Variants in BMP2K observed in about 807,000 individuals in gnomAD.
BMP2K encodes the protein BMP2 inducible kinase.
A neutral mutation model predicts 116.0 loss-of-function variants in BMP2K; 74 were observed. The observed-to-expected ratio is 0.64, with a 90% CI of 0.53 to 0.77. The LOEUF is 0.77. Ranked by LOEUF, BMP2K falls within the 30% of genes least tolerant of loss-of-function variation. The pLI is 0.00. For missense variants in BMP2K, 1,365 were observed against 1,403.6 expected, an observed-to-expected ratio of 0.97 and a Z score of 0.44; for synonymous variants, 486 against 502.5, an observed-to-expected ratio of 0.97 and a Z score of 0.44.
At chr4:78,838,598 CACTT>C (rs1455002154) in intron 3 of BMP2K, among the ~76,000 whole-genome samples, 1 of 152,166 alleles carries the variant, frequency 6.6e-6, no homozygotes, top group East Asian at 1.9e-4. Context: ...AAATACTCTC[CACTT>C]ACTTCCTCTG....
In BMP2K at chr4:78,870,928, C is replaced by CCAGAAG. The variant is rs747400785; in HGVS notation, c.1380_1381insAAGCAG (p.Gln460_Gln461insLysGln). On this transcript the variant is annotated inframe_insertion, in exon 11 of 16. Transcript: ENST00000502613. ...TCCATTTACAGCATCGTCATCCTCA[C>CCAGAAG]CAGCAGCAGCAGCAGCAGCAGCAGC... is the stretch of plus-strand genomic sequence containing the variant. The CCAGAAG allele has an allele frequency of 6.9e-7, 1 of 1,457,950 alleles. No individual in the cohort carries two copies. The highest frequency in any genetic ancestry group is 9.2e-7 in the Non-Finnish European group (1 of 1,085,488). The allele number at this position is 1,457,950 out of a possible 1,614,324, so 90.3% of individuals were successfully genotyped here. A position where few individuals can be genotyped will look rare whatever the true frequency, so the allele number is the denominator to read the frequency against.
At position 78,776,657 on chromosome 4, in the gene BMP2K, C is replaced by G. The variant is rs542064293; in HGVS notation, c.114C>G (p.Ser38=). Residue 38 remains serine (S), a synonymous_variant, in exon 1 of 16, where the codon TCC becomes TCG. Transcript: ENST00000502613. ...CCGGCTGCGGCTCCGGCGGCTCGTC[C>G]GTGGGGGTCCGGGTGTTCGCGGTCG... ...AGAGCGSGGS[S]VGVRVFAVGR... 8.1e-7 allele frequency: 1 copy of G among 1,231,590 alleles called. No homozygotes were observed. Among genetic ancestry groups the G allele is most frequent in the African/African-American group, 1.6e-5 (1 of 64,160 alleles). 76.3% of individuals were successfully genotyped at this position (1,231,590 alleles called of 1,614,324 possible).
chr4:78,799,674 CTT>C (rs1252194116), intron 1 of BMP2K, among the ~76,000 whole-genome samples: 16 of 152,200 alleles, frequency 1.1e-4, no homozygotes, highest in Non-Finnish European at 1.9e-4. Flanking sequence ...TGTGTCTAGA[CTT>C]ATCTCTGAGT....
At chr4:78,797,462 C>A (rs1372921235) in intron 1 of BMP2K, among the ~76,000 whole-genome samples, 1 of 152,076 alleles carries the variant, frequency 6.6e-6, no homozygotes, top group African/African-American at 2.4e-5. Context: ...TGACTTGAAT[C>A]CCAGAGATTC....
chr4:78,892,644 G>A (rs993664965), intron 15 of BMP2K, among the ~76,000 whole-genome samples: 2 of 152,084 alleles, frequency 1.3e-5, no homozygotes, highest in Non-Finnish European at 2.9e-5. Flanking sequence ...AGCATACTTT[G>A]GAGATACTGC....
At chr4:78,895,345 G>C (rs976708202) in intron 15 of BMP2K, among the ~76,000 whole-genome samples, 1 of 152,110 alleles carries the variant, frequency 6.6e-6, no homozygotes, top group African/African-American at 2.4e-5. Flanking sequence ...AGATTTCTCT[G>C]CAAACACAGT....
chr4:78,801,921 A>G (rs947344004), intron 1 of BMP2K, among the ~76,000 whole-genome samples: 1 of 152,248 alleles, frequency 6.6e-6, no homozygotes, highest in Non-Finnish European at 1.5e-5. Flanking sequence ...AGTGTTTAAC[A>G]GCTATGATCT....
chr4:78,806,376 CT>C (rs1301862194), intron 1 of BMP2K, among the ~76,000 whole-genome samples: 1 of 151,976 alleles, frequency 6.6e-6, no homozygotes, highest in African/African-American at 2.4e-5. Context: ...TAGAGTCTTG[CT>C]ATGTTGTGCA....
chr4:78,904,398 TACC>T (rs1257291193), intron 15 of BMP2K, among the ~76,000 whole-genome samples: 2 of 151,966 alleles, frequency 1.3e-5, no homozygotes, highest in Non-Finnish European at 2.9e-5. Context: ...CTGATTCAAG[TACC>T]ATTTGTGTCC....
chr4:78,872,699 T>G lies in BMP2K; in HGVS notation c.1694T>G (p.Leu565Arg), dbSNP rs1332247167. ...PSQQQASPEY[L>R]TSPQEFSPAL... ...CAACAACAGGCATCACCTGAATATC[T>G]TACCTCCCCTCAAGAGTTCTCACCA... Residue 565 changes from leucine (L) to arginine (R), a missense_variant, in exon 13 of 16, where the codon CTT becomes CGT. Physicochemically the swap from Leu to Arg is moderately radical, Grantham distance 102. Transcript: ENST00000502613. 6 of 1,614,126 alleles carry G rather than the reference T, an allele frequency of 3.7e-6. No individual in the cohort carries two copies. Among genetic ancestry groups the G allele is most frequent in the Non-Finnish European group, 5.1e-6 (6 of 1,179,992 alleles).
At chr4:78,863,620 C>G (rs1378066153) in intron 9 of BMP2K, among the ~76,000 whole-genome samples, 1 of 151,962 alleles carries the variant, frequency 6.6e-6, no homozygotes, top group Non-Finnish European at 1.5e-5. Flanking sequence ...CAGGTGATGG[C>G]AAGGAGAAAA....
intron 1 of BMP2K, among the ~76,000 whole-genome samples, chr4:78,817,240 A>G (rs1025439747): frequency 6.6e-6 from 1 of 152,204 alleles, no homozygotes; most frequent in African/African-American, 2.4e-5. Flanking sequence ...ATTCCATTCA[A>G]TTCTGACACT....
In BMP2K at chr4:78,911,817, C is replaced by T. The variant is rs1734633821; in HGVS notation, c.3270C>T (p.Asp1090=). 6.2e-7 allele frequency: 1 copy of T among 1,613,982 alleles called. No individual in the cohort carries two copies. Among genetic ancestry groups the T allele is most frequent in the Non-Finnish European group, 8.5e-7 (1 of 1,179,874 alleles). Reference sequence around the variant, plus strand: ...ACCCTCCACATCAGGGCCTGAGCGACATCCGTGCTGATCACAATACTGTCC... The same window carrying T: ...ACCCTCCACATCAGGGCCTGAGCGATATCCGTGCTGATCACAATACTGTCC... ...SWHPPHQGLS[D]IRADHNTVLP... The change falls in exon 16 of 16, where the codon GAC becomes GAT. Residue 1090 remains aspartate (D), a synonymous_variant. Transcript: ENST00000502613.
chr4:78,840,996 G>T (rs1208385846), intron 3 of BMP2K, among the ~76,000 whole-genome samples: 1 of 152,088 alleles, frequency 6.6e-6, no homozygotes, highest in Admixed American at 6.6e-5. Flanking sequence ...TAAAAGACAG[G>T]GAGTCTGCCA....
intron 9 of BMP2K, among the ~76,000 whole-genome samples, chr4:78,864,712 T>G (rs965116618): frequency 6.6e-6 from 1 of 152,164 alleles, no homozygotes; most frequent in Non-Finnish European, 1.5e-5. Context: ...TGTAAAAATT[T>G]TAAGTATTCA....
At chr4:78,781,475 T>C (rs556108006) in intron 1 of BMP2K, among the ~76,000 whole-genome samples, 1 of 150,878 alleles carries the variant, frequency 6.6e-6, no homozygotes, top group South Asian at 2.1e-4. Context: ...AGTTCAGACA[T>C]GTTTAGAGAT....
Position 78,878,795 on chromosome 4 carries a change from C to T in BMP2K, c.1855C>T (p.Pro619Ser), listed in dbSNP as rs1484364480. ...AAATCAGAAGAACATCAGCAATCCACCTGATATGTCAGGGTGGAATCCTTT... is the reference window on the plus strand; with the variant it reads ...AAATCAGAAGAACATCAGCAATCCATCTGATATGTCAGGGTGGAATCCTTT... ...FTNQKNISNP[P>S]DMSGWNPFGE... The change falls in exon 14 of 16, where the codon CCT becomes TCT. Residue 619 changes from proline (P) to serine (S), a missense_variant. Pro to Ser is a moderately conservative substitution (Grantham distance 74). Transcript: ENST00000502613. 1.2e-6 allele frequency: 2 copies of T among 1,613,138 alleles called. No homozygotes were observed. The highest frequency in any genetic ancestry group is 2.2e-5 in the East Asian group (1 of 44,770).
At chr4:78,845,370 AG>A (rs1342846649) in intron 5 of BMP2K, among the ~76,000 whole-genome samples, 1 of 151,636 alleles carries the variant, frequency 6.6e-6, no homozygotes, top group Non-Finnish European at 1.5e-5. Context: ...ACTGATACTG[AG>A]GATTTGTCCT....
At chr4:78,813,730 AACATT>A (rs1339412770) in intron 1 of BMP2K, among the ~76,000 whole-genome samples, 1 of 152,098 alleles carries the variant, frequency 6.6e-6, no homozygotes, top group Non-Finnish European at 1.5e-5. Flanking sequence ...ACCTTGATTA[AACATT>A]TCAGCCTCCT....
Sources: allele counts gnomAD v4.1 joint callset (sites outside exome capture counted in the v4.1 genomes callset), GRCh38; gene constraint gnomAD v4.1.1; transcripts MANE v1.5; gene names NCBI Gene and HGNC (gene_info 2026-07-23, HGNC 2026-07-21).